The following SLK variants were observed in gnomAD, a reference collection of about 807,000 sequenced individuals.
SLK encodes STE20 like kinase.
A neutral mutation model predicts 147.7 loss-of-function variants in SLK; 67 were observed. That is an observed-to-expected ratio of 0.45 (90% CI 0.37 to 0.56). The LOEUF (loss-of-function observed/expected upper bound fraction) is 0.56. Among genes scored for constraint, SLK ranks in the 20% least tolerant of loss-of-function variants. The pLI is 0.00. For missense variants in SLK, 1,136 were observed against 1,438.8 expected (o/e 0.79, Z 3.41); for synonymous variants, 441 against 475.0 (o/e 0.93, Z 0.93).
At chr10:103,972,622 G>A (rs1564648872) in intron 1 of SLK, among the ~76,000 whole-genome samples, 1 of 151,232 alleles carries the variant, frequency 6.6e-6, no homozygotes, top group Middle Eastern at 3.4e-3. Flanking sequence ...CAGTGAGCCG[G>A]GATCGCACCA....
intron 2 of SLK, among the ~76,000 whole-genome samples, 176 bp downstream of exon 2, chr10:103,991,015 T>C (rs1027513354): frequency 6.6e-6 from 1 of 152,230 alleles, no homozygotes; most frequent in Non-Finnish European, 1.5e-5. Flanking sequence ...ATTCTCAGCT[T>C]CAACAGATGT....
At position 104,002,281 on chromosome 10, in the gene SLK, A is replaced by C; in HGVS notation, c.1103A>C (p.Glu368Ala). The C allele has an allele frequency of 6.2e-7, 1 of 1,613,830 alleles. No individual in the cohort carries two copies. The change falls in exon 9 of 19, where the codon GAA (glutamate) becomes GCA (alanine). Residue 368 changes from glutamate to alanine, a missense_variant. Glu to Ala is a moderately radical substitution (Grantham distance 107). Transcript: ENST00000369755. ...CILESVSEKT[E>A]RSNSEDKLNS... ...TTGGAGTCTGTCTCAGAAAAAACAG[A>C]ACGTAGTAACTCTGAAGATAAACTC...
intron 10 of SLK, 67 bp downstream of exon 10, chr10:104,005,758 G>T: frequency 6.5e-7 from 1 of 1,533,010 alleles, no homozygotes; most frequent in Non-Finnish European, 8.9e-7. Flanking sequence ...AAAGTCAGAA[G>T]AATAGAGAAA....
Position 104,002,974 on chromosome 10 carries a change from A to C in SLK, c.1796A>C (p.Glu599Ala), listed in dbSNP as rs765173919. The change falls in exon 9 of 19, where the codon GAA becomes GCA. Residue 599 changes from glutamate to alanine, a missense_variant. Physicochemically the swap from Glu to Ala is moderately radical, Grantham distance 107 (BLOSUM62 -1). Transcript: ENST00000369755. ...MVGPEAGGTK[E>A]VPIKEIVEMN... The stretch of plus-strand genomic sequence containing the variant: ...GGTCCTGAGGCTGGTGGTACTAAGG[A>C]AGTTCCTATTAAAGAAATAGTTGAA... 1 of 1,613,862 alleles carries C rather than the reference A, an allele frequency of 6.2e-7. No individual in the cohort carries two copies. Among genetic ancestry groups the C allele is most frequent in the Non-Finnish European group, 8.5e-7 (1 of 1,179,784 alleles).
chr10:104,011,663 C>T (rs1274185272), intron 13 of SLK, among the ~76,000 whole-genome samples: 1 of 151,556 alleles, frequency 6.6e-6, no homozygotes, highest in African/African-American at 2.4e-5. Flanking sequence ...TGGGTTCAAG[C>T]GATTCTCCTG....
At chr10:104,020,723 TG>T in intron 17 of SLK, 110 bp downstream of exon 17, 1 of 1,213,564 alleles carries the variant, frequency 8.2e-7, no homozygotes, top group Non-Finnish European at 1.2e-6. Flanking sequence ...ACGAACATGC[TG>T]GGTTTGAGAG....
At position 104,025,910 on chromosome 10, in the gene SLK, C is replaced by T. The variant is rs867087277; in HGVS notation, c.*190C>T. 18 of 468,310 alleles carry T rather than the reference C, an allele frequency of 3.8e-5. No individual in the cohort carries two copies. The highest frequency in any genetic ancestry group is 4.0e-4 in the Middle Eastern group (1 of 2,486). The allele number at this position is 468,310 out of a possible 1,614,324, so 29.0% of individuals were successfully genotyped here. ...TGAAGGGAAAACGAACTAAGACAGA[C>T]GCTAGGCCATGTTGGCAAAGTAGCA... is the stretch of plus-strand genomic sequence containing the variant. On this transcript the variant is annotated 3_prime_UTR_variant, in exon 19 of 19. Transcript: ENST00000369755.
rs139943076 is a variant in SLK, at chr10:103,985,989, T to A, written c.151-4686T>A. The stretch of plus-strand genomic sequence containing the variant: ...AAATAAAAACAGTGATTTTAGGTGA[T>A]CATGACTGATATTTGAAATCTTTTT... On this transcript the variant is annotated intron_variant, in intron 1 of 18. Transcript: ENST00000369755. Among the ~76,000 whole-genome samples, 205 of 152,318 alleles carry A rather than the reference T, an allele frequency of 1.3e-3. No individual in the cohort carries two copies. The Middle Eastern group carries it at 0.014, about 10-fold the overall frequency.
intron 11 of SLK, 50 bp from the exon 12 acceptor site, chr10:104,008,124 GTAT>G: frequency 7.5e-7 from 1 of 1,341,876 alleles, no homozygotes. Flanking sequence ...TTACTATAAG[GTAT>G]TAATATGGGT....
At chr10:104,016,146 G>A (rs375669705) in intron 13 of SLK, among the ~76,000 whole-genome samples, 37 of 152,038 alleles carry the variant, frequency 2.4e-4, no homozygotes, top group East Asian at 9.7e-4. Flanking sequence ...GTGAAACCCC[G>A]TCTCTACTAG....
chr10:103,980,880 T>C (rs1320062211), intron 1 of SLK, among the ~76,000 whole-genome samples: 2 of 152,116 alleles, frequency 1.3e-5, no homozygotes, highest in South Asian at 4.1e-4. Context: ...GAATCTATTT[T>C]TAATTTTTTG....
At chr10:103,984,200 T>C (rs1159768174) in intron 1 of SLK, among the ~76,000 whole-genome samples, 2 of 152,234 alleles carry the variant, frequency 1.3e-5, no homozygotes, top group Non-Finnish European at 2.9e-5. Context: ...GATATTACTA[T>C]ATACGATAAC....
chr10:103,993,683 A>G (rs919703452), intron 4 of SLK, among the ~76,000 whole-genome samples: 1 of 152,180 alleles, frequency 6.6e-6, no homozygotes, highest in African/African-American at 2.4e-5. Flanking sequence ...TTACCTTCAT[A>G]AGAAGAATTA....
intron 1 of SLK, among the ~76,000 whole-genome samples, chr10:103,983,628 T>A (rs894007377): frequency 3.3e-5 from 5 of 151,612 alleles, no homozygotes; most frequent in African/African-American, 1.2e-4. Context: ...CCTGTGAACT[T>A]CCTGTCTGCT....
chr10:104,001,375 T>G (rs891044275), intron 7 of SLK, 69 bp from the exon 8 acceptor site: 20 of 1,240,090 alleles, frequency 1.6e-5, no homozygotes, highest in Non-Finnish European at 2.0e-5. Flanking sequence ...AGAATGTGTG[T>G]TGTGTGTGTT....
chr10:103,976,129 T>G (rs1379666787), intron 1 of SLK, among the ~76,000 whole-genome samples: 1 of 152,042 alleles, frequency 6.6e-6, no homozygotes, highest in Non-Finnish European at 1.5e-5. Flanking sequence ...TCTCAAATTC[T>G]TAGGCTCAAG....
At chr10:104,004,902 C>T (rs1271846854) in intron 9 of SLK, among the ~76,000 whole-genome samples, 1 of 152,076 alleles carries the variant, frequency 6.6e-6, no homozygotes, top group Non-Finnish European at 1.5e-5. Context: ...AGCTAGCAGC[C>T]AAATCTGGTA....
chr10:103,968,772 A>C (rs1017825962), intron 1 of SLK, among the ~76,000 whole-genome samples: 2 of 152,202 alleles, frequency 1.3e-5, no homozygotes, highest in African/African-American at 4.8e-5. Flanking sequence ...AAGTACTTTC[A>C]AATAATTTGG....
intron 1 of SLK, among the ~76,000 whole-genome samples, chr10:103,976,035 T>C (rs986750583): frequency 3.1e-4 from 47 of 152,288 alleles, no homozygotes; most frequent in African/African-American, 1.1e-3. Context: ...CCCAAGTAGC[T>C]GGGACTGTAG....
Sources: gnomAD v4.1 joint callset for allele counts (sites outside exome capture counted in the v4.1 genomes callset) on GRCh38, gnomAD v4.1.1 for gene constraint, MANE v1.5 for transcripts, NCBI Gene and HGNC (gene_info 2026-07-23, HGNC 2026-07-21) for gene names.